The following PRKN variants were observed in gnomAD, a reference collection of about 807,000 sequenced individuals.
PRKN encodes E3 ubiquitin-protein ligase parkin.
Under a neutral mutation model 59.5 loss-of-function variants are expected in PRKN, and 56 were observed. The observed-to-expected ratio is 0.94, with a 90% CI of 0.76 to 1.18. The LOEUF is 1.18. PRKN is among the 50% of genes most tolerant of loss of function. The probability of loss-of-function intolerance (pLI) is 0.00; values close to 1 mark genes in which losing one functional copy is unlikely to be tolerated. For missense variants in PRKN, 657 were observed against 596.4 expected (o/e 1.10, Z -1.06); for synonymous variants, 250 against 222.1 (o/e 1.13, Z -1.12).
chr6:161,909,013 G>A (rs544407281), intron 6 of PRKN, among the ~76,000 whole-genome samples: 66 of 152,248 alleles, frequency 4.3e-4, no homozygotes, highest in Non-Finnish European at 5.1e-4. Flanking sequence ...TGTAAGGGGC[G>A]CTGTGTCACT....
At chr6:161,811,475 A>T (rs1469456759) in intron 6 of PRKN, among the ~76,000 whole-genome samples, 1 of 152,144 alleles carries the variant, frequency 6.6e-6, no homozygotes, top group Non-Finnish European at 1.5e-5. Context: ...TCAACGGGAG[A>T]GGGCTGGTCA....
intron 6 of PRKN, among the ~76,000 whole-genome samples, chr6:161,945,588 T>C (rs1360381047): frequency 1.3e-5 from 2 of 152,180 alleles, no homozygotes; most frequent in Non-Finnish European, 2.9e-5. Context: ...CAGTAACCTA[T>C]CTTTCTTTTT....
chr6:162,388,679 G>A (rs1786980358), intron 2 of PRKN, among the ~76,000 whole-genome samples: 1 of 152,124 alleles, frequency 6.6e-6, no homozygotes, highest in African/African-American at 2.4e-5. Flanking sequence ...GCCTCTCTGT[G>A]CCACGTACTG....
intron 2 of PRKN, among the ~76,000 whole-genome samples, chr6:162,373,841 CTAGAA>C (rs1364122057): frequency 6.6e-6 from 1 of 151,972 alleles, no homozygotes; most frequent in Non-Finnish European, 1.5e-5. Flanking sequence ...AGCCCTCAAA[CTAGAA>C]TAGGTTTAGA....
At chr6:162,335,146 T>G (rs1783778366) in intron 2 of PRKN, among the ~76,000 whole-genome samples, 1 of 152,058 alleles carries the variant, frequency 6.6e-6, no homozygotes, top group South Asian at 2.1e-4. Context: ...CCCGAGTACC[T>G]GTGATTATAG....
intron 6 of PRKN, among the ~76,000 whole-genome samples, chr6:161,813,183 C>T (rs1165038583): frequency 1.3e-5 from 2 of 152,142 alleles, no homozygotes; most frequent in Admixed American, 1.3e-4. Context: ...AGTTGGATTT[C>T]CTAAAGGAGA....
rs1316965622 is a variant in PRKN, at chr6:162,311,300, A to T, written c.172-48535T>A. 2.6e-5 allele frequency among the ~76,000 whole-genome samples: 4 copies of T among 152,130 alleles called. No homozygotes were observed. In the East Asian group the frequency reaches 5.8e-4, roughly 22 times the overall value. On this transcript the variant is annotated intron_variant, in intron 2 of 11. Coordinates refer to ENST00000366898, the MANE Select transcript of PRKN (RefSeq NM_004562.3). ...TCCTGGGAGATGGTTTGTACCTGGC[A>T]ACTCATAATCATTAGCTCACAATGA...
At chr6:162,251,800 A>G (rs1191064050) in intron 3 of PRKN, among the ~76,000 whole-genome samples, 1 of 152,210 alleles carries the variant, frequency 6.6e-6, no homozygotes, top group Admixed American at 6.5e-5. Context: ...TTTCCATGCC[A>G]TTAAATAATA....
At chr6:162,071,201 G>A (rs1778561201) in intron 4 of PRKN, among the ~76,000 whole-genome samples, 1 of 150,188 alleles carries the variant, frequency 6.7e-6, no homozygotes, top group South Asian at 2.1e-4. Context: ...AAGGTGTTTG[G>A]TGCTGTCCAT....
rs28683016 is a variant in PRKN at position 161,419,569 on chromosome 6, T to A, written c.1084-32692A>T. 1.3e-4 allele frequency among the ~76,000 whole-genome samples: 20 copies of A among 151,706 alleles called. No homozygotes were observed. The highest frequency in any genetic ancestry group is 2.0e-4 in the East Asian group (1 of 5,066). The stretch of plus-strand genomic sequence containing the variant: ...CGCCTGGCTAATTTTTGTATTTTTT[T>A]AAAAAACGGGGTTTCACCATGTTGA... On this transcript the variant is annotated intron_variant, in intron 9 of 11. Transcript: ENST00000366898. The surrounding 1 kb of genome is among the most constrained non-coding windows in gnomAD (Gnocchi z 4.1).
chr6:162,291,289 C>A lies in PRKN; in HGVS notation c.172-28524G>T, dbSNP rs577951754. 5.9e-5 allele frequency among the ~76,000 whole-genome samples: 9 copies of A among 152,154 alleles called. No individual in the cohort carries two copies. The East Asian group carries it at 1.7e-3, about 29-fold the overall frequency. On this transcript the variant is annotated intron_variant, in intron 2 of 11. Transcript: ENST00000366898. ...GCCAGTTCATTGGCATCGTCTACTG[C>A]CAGGCCTCGTACCAGTCTACAGAAG... is the stretch of plus-strand genomic sequence containing the variant.
chr6:162,630,578 C>T (rs2846516), intron 1 of PRKN, among the ~76,000 whole-genome samples: 93,081 of 151,824 alleles, frequency 0.61, 29,251 homozygotes, highest in African/African-American at 0.75. Context: ...ATTTAAGATT[C>T]TTCTACCTCC....
chr6:161,882,636 T>C (rs1373997452), intron 6 of PRKN, among the ~76,000 whole-genome samples: 1 of 152,214 alleles, frequency 6.6e-6, no homozygotes, highest in African/African-American at 2.4e-5. Flanking sequence ...GAGTCAAATA[T>C]GTTTTAACTG....
intron 5 of PRKN, among the ~76,000 whole-genome samples, chr6:162,022,032 C>CT (rs370096592): frequency 4.0e-4 from 61 of 151,302 alleles, no homozygotes; most frequent in Middle Eastern, 3.4e-3. Flanking sequence ...GGATTTTGAT[C>CT]TTTTTTTTTG....
chr6:161,600,860 G>C (rs1782079768), intron 7 of PRKN, among the ~76,000 whole-genome samples: 1 of 151,878 alleles, frequency 6.6e-6, no homozygotes, highest in Non-Finnish European at 1.5e-5. Flanking sequence ...AATCTTACAG[G>C]TCAGGGCAAA....
At chr6:161,903,194 G>GCTGCACTGGCTTTAGAGCCAA (rs1554245592) in intron 6 of PRKN, among the ~76,000 whole-genome samples, 2 of 151,774 alleles carry the variant, frequency 1.3e-5, no homozygotes, top group Non-Finnish European at 2.9e-5. Context: ...GCTGGAGGCG[G>GCTGCACTGGCTTTAGAGCCAA]CTGCACTGGC....
chr6:162,608,330 T>G (rs1365916950), intron 1 of PRKN, among the ~76,000 whole-genome samples: 2 of 151,892 alleles, frequency 1.3e-5, no homozygotes, highest in Non-Finnish European at 2.9e-5. Flanking sequence ...CTGGAACAGG[T>G]GAATATACCG....
Position 161,545,332 on chromosome 6 carries a change from G to C in PRKN, c.1083+3522C>G. 6.3e-7 allele frequency: 1 copy of C among 1,595,898 alleles called. No homozygotes were observed. Among genetic ancestry groups the C allele is most frequent in the African/African-American group, 1.3e-5 (1 of 74,784 alleles). On this transcript the variant is annotated intron_variant, in intron 9 of 11. Transcript: ENST00000366898. This position sits in a 1 kb window ranked among gnomAD's most constrained non-coding sequence, Gnocchi z 4.1. ...GGGCTTTTTCCACATCTGGAACTCT[G>C]TAATTCTTCTATAGCTTTGCTACCA...
At position 161,588,315 on chromosome 6, in the gene PRKN, G is replaced by A. The variant is rs1781592028; in HGVS notation, c.872-18899C>T. 6.6e-6 allele frequency among the ~76,000 whole-genome samples: 1 copy of A among 151,984 alleles called. No homozygotes were observed. The highest frequency in any genetic ancestry group is 6.5e-5 in the Admixed American group (1 of 15,268). On this transcript the variant is annotated intron_variant, in intron 7 of 11. Transcript: ENST00000366898. The surrounding 1 kb of genome is among the most constrained non-coding windows in gnomAD (Gnocchi z 5.0). The stretch of plus-strand genomic sequence containing the variant: ...AGGAGAATTGCCTCAGGAGGAGGCA[G>A]GTTGTGGTGAGCCGAAGAGGCGCCA...
Sources: gnomAD v4.1 joint callset for allele counts (sites outside exome capture counted in the v4.1 genomes callset) on GRCh38, gnomAD v4.1.1 for gene constraint, Gnocchi (gnomAD v3.1) non-coding constraint, MANE v1.5 for transcripts, NCBI Gene and HGNC (gene_info 2026-07-23, HGNC 2026-07-21) for gene names.